The following WDR1 variants were observed in gnomAD, a reference collection of about 807,000 sequenced individuals.
WDR1 encodes the protein WD repeat domain 1.
WDR1 carries 21 observed loss-of-function variants against 71.9 expected under a neutral mutation model. That is an observed-to-expected ratio of 0.29 (90% CI 0.21 to 0.42). The LOEUF (loss-of-function observed/expected upper bound fraction) is 0.42, where lower values mean the gene tolerates loss of function less well. Among genes scored for constraint, WDR1 ranks in the 10% least tolerant of loss-of-function variants. WDR1 has a pLI of 1.00. For missense variants in WDR1, 696 were observed against 824.5 expected, an observed-to-expected ratio of 0.84 and a Z score of 1.91; for synonymous variants, 424 against 347.4, an observed-to-expected ratio of 1.22 and a Z score of -2.45.
At chr4:10,099,180 T>TTGGGGGGGGG in intron 3 of WDR1, 41 bp from the exon 4 acceptor site, 1 of 173,730 alleles carries the variant, frequency 5.8e-6, no homozygotes, top group Non-Finnish European at 1.1e-5. Flanking sequence ...GAGGCGGTGG[T>TTGGGGGGGGG]GGGGTAAAGG....
At chr4:10,108,053 T>C (rs1713121677) in intron 2 of WDR1, among the ~76,000 whole-genome samples, 1 of 152,058 alleles carries the variant, frequency 6.6e-6, no homozygotes, top group Admixed American at 6.5e-5. Context: ...AACCTAAACA[T>C]ACTCCCCCCC....
At chr4:10,102,694 C>T (rs189511313) in intron 3 of WDR1, among the ~76,000 whole-genome samples, 1 of 152,332 alleles carries the variant, frequency 6.6e-6, no homozygotes, top group East Asian at 1.9e-4. Flanking sequence ...TCCCCAACCC[C>T]AAGGCCTACC....
At chr4:10,113,542 G>C (rs1171068024) in intron 2 of WDR1, among the ~76,000 whole-genome samples, 7 of 152,188 alleles carry the variant, frequency 4.6e-5, no homozygotes, top group Non-Finnish European at 7.3e-5. Flanking sequence ...TCACCGAGGT[G>C]GGAAGCCACT....
At chr4:10,112,420 C>A (rs940269936) in intron 2 of WDR1, among the ~76,000 whole-genome samples, 2 of 152,188 alleles carry the variant, frequency 1.3e-5, no homozygotes, top group Admixed American at 1.3e-4. Flanking sequence ...CTCTCTCCTT[C>A]TGGAATATTA....
At chr4:10,088,868 A>C in intron 5 of WDR1, 127 bp from the exon 6 acceptor site, 6 of 758,862 alleles carry the variant, frequency 7.9e-6, no homozygotes, top group Middle Eastern at 2.9e-4. Flanking sequence ...TCCACTGGAA[A>C]ATTTCAGAGC....
intron 11 of WDR1, among the ~76,000 whole-genome samples, chr4:10,080,307 C>G (rs1319424725): frequency 6.6e-6 from 1 of 152,214 alleles, no homozygotes; most frequent in Non-Finnish European, 1.5e-5. Flanking sequence ...CCACAAAGCC[C>G]CATGTGCAGA....
rs1285268066 is a variant in WDR1, at chr4:10,075,100, G to A, written c.*278C>T. The A allele has an allele frequency of 1.9e-5, 9 of 473,960 alleles. No homozygotes were observed. The highest frequency in any genetic ancestry group is 4.4e-5 in the South Asian group (1 of 22,760). The allele number at this position is 473,960 out of a possible 1,614,324, so 29.4% of individuals were successfully genotyped here. A position where few individuals can be genotyped will look rare whatever the true frequency, so the allele number is the denominator to read the frequency against. On this transcript the variant is annotated 3_prime_UTR_variant, in exon 15 of 15. Transcript: ENST00000499869. The stretch of plus-strand genomic sequence containing the variant: ...GAGGCTACTGCCTCTGGAATGTTTC[G>A]CATTCTCAAGGTTTGGTTGGGCTGT...
chr4:10,083,306 C>G (rs1309229786), intron 9 of WDR1, 128 bp from the exon 10 acceptor site: 1 of 1,217,054 alleles, frequency 8.2e-7, no homozygotes, highest in African/African-American at 1.5e-5. Flanking sequence ...TAACCATTCC[C>G]CCTGGGAAGC....
chr4:10,078,668 G>T (rs1003626895), intron 12 of WDR1: 1 of 495,200 alleles, frequency 2.0e-6, no homozygotes, highest in Admixed American at 4.0e-5. Flanking sequence ...CCCGGGCAGT[G>T]AGGTGGGGGA....
chr4:10,097,611 G>C, intron 5 of WDR1, 100 bp downstream of exon 5: 1 of 1,361,582 alleles, frequency 7.3e-7, no homozygotes, highest in Non-Finnish European at 1.0e-6. Context: ...GGCATACGTG[G>C]CATGTGCTGT....
intron 2 of WDR1, among the ~76,000 whole-genome samples, chr4:10,110,975 G>A (rs1048849742): frequency 3.3e-5 from 5 of 152,222 alleles, no homozygotes; most frequent in African/African-American, 1.2e-4. Flanking sequence ...GCCAAGACAG[G>A]GGCTTAGTGA....
chr4:10,110,309 A>C (rs1168186858), intron 2 of WDR1, among the ~76,000 whole-genome samples: 2 of 152,356 alleles, frequency 1.3e-5, no homozygotes, highest in South Asian at 2.1e-4. Context: ...AGGGCCTTGC[A>C]GAAGGTGGAG....
chr4:10,099,170 GAGGCGGTGGTGGGGT>G, intron 3 of WDR1, 31 bp from the exon 4 acceptor site: 4 of 801,996 alleles, frequency 5.0e-6, no homozygotes, highest in Admixed American at 2.3e-5. Flanking sequence ...GGGAGGGGGG[GAGGCGGTGGTGGGGT>G]AAAGGGCAGG....
chr4:10,097,864 A>G lies in WDR1; in HGVS notation c.405T>C (p.Ser135=). 2 of 1,608,262 alleles carry G rather than the reference A, an allele frequency of 1.2e-6. No individual in the cohort carries two copies. Among genetic ancestry groups the G allele is most frequent in the Non-Finnish European group, 1.7e-6 (2 of 1,176,938 alleles). Residue 135 remains serine (S), a synonymous_variant, in exon 5 of 15, where the codon AGT becomes AGC. Transcript: ENST00000499869. ...EKFGAVFLWD[S]GSSVGEITGH... The stretch of plus-strand genomic sequence containing the variant: ...CTGTAATCTCGCCCACAGAAGAGCC[A>G]CTATCCCAGAGGAAGACTGCTCCAA...
At chr4:10,098,270 A>G (rs1444997255) in intron 4 of WDR1, among the ~76,000 whole-genome samples, 1 of 152,214 alleles carries the variant, frequency 6.6e-6, no homozygotes, top group Admixed American at 6.5e-5. Flanking sequence ...CTGACATTCA[A>G]CAAAAACACT....
At chr4:10,114,114 C>T (rs1056784720) in intron 2 of WDR1, among the ~76,000 whole-genome samples, 2 of 152,162 alleles carry the variant, frequency 1.3e-5, no homozygotes, top group Admixed American at 1.3e-4. Context: ...GTCCACCCAT[C>T]CAACTAACAA....
Position 10,097,841 on chromosome 4 carries a change from G to C in WDR1, c.428C>G (p.Thr143Arg), listed in dbSNP as rs910259358. Residue 143 changes from threonine (T) to arginine (R), a missense_variant, in exon 5 of 15, where the codon ACA becomes AGA. Coordinates refer to ENST00000499869, the MANE Select transcript of WDR1 (RefSeq NM_017491.5). ...GCTGTTGATGACTTTGTTGTGTCCT[G>C]TAATCTCGCCCACAGAAGAGCCACT... ...WDSGSSVGEI[T>R]GHNKVINSVD... 1 of 1,609,396 alleles carries C rather than the reference G, an allele frequency of 6.2e-7. No homozygotes were observed. The highest frequency in any genetic ancestry group is 1.4e-5 in the African/African-American group (1 of 73,728).
intron 9 of WDR1, 121 bp from the exon 10 acceptor site, chr4:10,083,299 C>T (rs527627295): frequency 1.2e-4 from 151 of 1,299,130 alleles, no homozygotes; most frequent in Admixed American, 4.5e-4. Context: ...ACGGACATAA[C>T]CATTCCCCCT....
intron 3 of WDR1, among the ~76,000 whole-genome samples, chr4:10,103,056 G>A (rs559171205): frequency 6.6e-6 from 1 of 152,214 alleles, no homozygotes; most frequent in African/African-American, 2.4e-5. Context: ...AAAGAACTAA[G>A]TAAATAAAAA....
Sources: gnomAD v4.1 joint callset for allele counts (sites outside exome capture counted in the v4.1 genomes callset) on GRCh38, gnomAD v4.1.1 for gene constraint, MANE v1.5 for transcripts, NCBI Gene and HGNC (gene_info 2026-07-23, HGNC 2026-07-21) for gene names.